The following GRM1 variants were observed in gnomAD, a reference collection of about 807,000 sequenced individuals.
The protein encoded by GRM1 is glutamate metabotropic receptor 1, also known as metabotropic glutamate receptor 1.
Under a neutral mutation model 90.9 loss-of-function variants are expected in GRM1, and 33 were observed. The observed-to-expected ratio is 0.36, with a 90% CI of 0.28 to 0.49. GRM1 has a LOEUF of 0.49. Among genes scored for constraint, GRM1 ranks in the 20% least tolerant of loss-of-function variants. The pLI, the probability that GRM1 is intolerant of heterozygous loss-of-function variation, is 0.99. For synonymous variants in GRM1, 700 were observed against 613.2 expected (o/e 1.14, Z -2.09); for missense variants, 1,190 against 1,534.3 (o/e 0.78, Z 3.75).
chr6:146,405,862 A>G (rs1399210012), intron 7 of GRM1, among the ~76,000 whole-genome samples: 1 of 152,156 alleles, frequency 6.6e-6, no homozygotes, highest in Admixed American at 6.5e-5. Flanking sequence ...TCATATATTC[A>G]GTCAATAACA....
chr6:146,154,722 C>T (rs922115666), intron 1 of GRM1, among the ~76,000 whole-genome samples: 2 of 152,118 alleles, frequency 1.3e-5, no homozygotes, highest in African/African-American at 4.8e-5. Context: ...CATATTTTTA[C>T]AATTATTTGC....
In GRM1 at chr6:146,301,632, T is replaced by C. The variant is rs1001106257; in HGVS notation, c.951-2979T>C. Reference sequence around the variant, plus strand: ...CTTTATGTCAAAAGCAGTTATTTTTTTCAAGTTATGTCATTTCAATTTTTA... The same window carrying C: ...CTTTATGTCAAAAGCAGTTATTTTTCTCAAGTTATGTCATTTCAATTTTTA... On this transcript the variant is annotated intron_variant, in intron 2 of 7. Coordinates refer to ENST00000282753, the MANE Select transcript of GRM1 (RefSeq NM_001278064.2). 3.9e-5 allele frequency among the ~76,000 whole-genome samples: 6 copies of C among 152,234 alleles called. 1 individual carries two copies. Among genetic ancestry groups the C allele is most frequent in the East Asian group, 1.9e-4 (1 of 5,200 alleles).
rs879339890 is a variant in GRM1 at position 146,138,936 on chromosome 6, C to CT, written c.701-20402dup. On this transcript the variant is annotated intron_variant, in intron 1 of 7. Transcript: ENST00000282753. ...ACTTAGGTTGTTTATTTGAAATGTT[C>CT]TTTTTTTTTTAATGTAGACACTTAC... Among the ~76,000 whole-genome samples, 577 of 143,896 alleles carry CT rather than the reference C, an allele frequency of 4.0e-3. 3 individuals carry two copies. Among genetic ancestry groups the CT allele is most frequent in the Middle Eastern group, 7.1e-3 (2 of 282 alleles). The allele number at this position is 143,896 out of a possible 152,430, so 94.4% of individuals were successfully genotyped here.
chr6:146,352,712 A>G (rs551476486), intron 4 of GRM1, among the ~76,000 whole-genome samples: 22 of 152,316 alleles, frequency 1.4e-4, no homozygotes, highest in African/African-American at 4.8e-4. Context: ...CCCAATACCC[A>G]GTATTCTACC....
chr6:146,302,526 C>G (rs1783426486), intron 2 of GRM1, among the ~76,000 whole-genome samples: 1 of 151,450 alleles, frequency 6.6e-6, no homozygotes, highest in African/African-American at 2.4e-5. Flanking sequence ...TGTGGACCAA[C>G]ACATCCAGAT....
At chr6:146,409,083 A>C (rs543850527) in intron 7 of GRM1, among the ~76,000 whole-genome samples, 1 of 152,288 alleles carries the variant, frequency 6.6e-6, no homozygotes, top group Non-Finnish European at 1.5e-5. Flanking sequence ...GGGGTATTTA[A>C]TGTAAAAATA....
intron 3 of GRM1, among the ~76,000 whole-genome samples, chr6:146,307,864 CA>C (rs1424449448): frequency 1.3e-5 from 2 of 152,134 alleles, no homozygotes; most frequent in Non-Finnish European, 2.9e-5. Context: ...TTAAAGGTCC[CA>C]AACCCAGGCT....
chr6:146,231,430 T>C, intron 2 of GRM1, among the ~76,000 whole-genome samples: 1 of 152,100 alleles, frequency 6.6e-6, no homozygotes, highest in East Asian at 1.9e-4. Context: ...CTATGTTGAA[T>C]ATGGTGAGAG....
chr6:146,278,058 C>T (rs1392488306), intron 2 of GRM1, among the ~76,000 whole-genome samples: 1 of 152,012 alleles, frequency 6.6e-6, no homozygotes, highest in African/African-American at 2.4e-5. Flanking sequence ...GATTCCAGAT[C>T]ATTTGGATTC....
chr6:146,359,929 A>G (rs1291582658), intron 5 of GRM1, among the ~76,000 whole-genome samples: 1 of 152,086 alleles, frequency 6.6e-6, no homozygotes, highest in African/African-American at 2.4e-5. Flanking sequence ...CCTGGAATGG[A>G]GGTGAGGGGG....
At position 146,420,678 on chromosome 6, in the gene GRM1, A is replaced by G. The variant is rs147858158; in HGVS notation, c.2661-13194A>G. On this transcript the variant is annotated intron_variant, in intron 7 of 7. Transcript: ENST00000282753. The stretch of plus-strand genomic sequence containing the variant: ...AAACAGACAATAGAAGCAGACCCCC[A>G]TGTGATACACTATTGGAGAATGTTA... Among the ~76,000 whole-genome samples, 1,074 of 152,346 alleles carry G rather than the reference A, an allele frequency of 7.0e-3. 13 individuals are homozygous for G. The highest frequency in any genetic ancestry group is 0.025 in the African/African-American group (1,027 of 41,590).
At chr6:146,410,665 G>A (rs1434413720) in intron 7 of GRM1, among the ~76,000 whole-genome samples, 2 of 151,878 alleles carry the variant, frequency 1.3e-5, no homozygotes, top group Admixed American at 1.3e-4. Flanking sequence ...GTTCCCATTA[G>A]CTAGACCAAG....
chr6:146,424,201 G>T (rs1778112484), intron 7 of GRM1, among the ~76,000 whole-genome samples: 1 of 152,370 alleles, frequency 6.6e-6, no homozygotes, highest in South Asian at 2.1e-4. Flanking sequence ...ATGTGCAAGA[G>T]GCTTGCCACT....
chr6:146,150,053 C>T (rs1425222543), intron 1 of GRM1, among the ~76,000 whole-genome samples: 1 of 152,046 alleles, frequency 6.6e-6, no homozygotes, highest in Non-Finnish European at 1.5e-5. Context: ...AGGCAGGAAA[C>T]CCATAACATT....
At chr6:146,060,127 G>A (rs1326944971) in intron 1 of GRM1, among the ~76,000 whole-genome samples, 1 of 151,974 alleles carries the variant, frequency 6.6e-6, no homozygotes, top group Non-Finnish European at 1.5e-5. Context: ...CACTTATCTT[G>A]GCTTTCATCA....
intron 5 of GRM1, among the ~76,000 whole-genome samples, chr6:146,380,673 G>T (rs1752041094): frequency 6.6e-6 from 1 of 152,026 alleles, no homozygotes; most frequent in Admixed American, 6.6e-5. Flanking sequence ...TTTCCCCTCT[G>T]CTTCTCCCAA....
At chr6:146,432,056 G>A (rs1230052881) in intron 7 of GRM1, among the ~76,000 whole-genome samples, 1 of 152,168 alleles carries the variant, frequency 6.6e-6, no homozygotes, top group Non-Finnish European at 1.5e-5. Flanking sequence ...TCAGAAAAGA[G>A]TCAGCTATTC....
intron 2 of GRM1, among the ~76,000 whole-genome samples, chr6:146,265,022 G>T (rs896312909): frequency 1.6e-4 from 25 of 152,062 alleles, no homozygotes; most frequent in African/African-American, 6.0e-4. Context: ...CTTTTTATAT[G>T]ATTTATTTTC....
At chr6:146,103,186 A>G (rs1387303568) in intron 1 of GRM1, among the ~76,000 whole-genome samples, 1 of 152,220 alleles carries the variant, frequency 6.6e-6, no homozygotes, top group Non-Finnish European at 1.5e-5. Flanking sequence ...ATAATGATAT[A>G]AGTATATTTG....
Sources: gnomAD v4.1 joint callset for allele counts (sites outside exome capture counted in the v4.1 genomes callset) on GRCh38, gnomAD v4.1.1 for gene constraint, MANE v1.5 for transcripts, NCBI Gene and HGNC (gene_info 2026-07-23, HGNC 2026-07-21) for gene names.